The following TBC1D12 variants were observed in gnomAD, a reference collection of about 807,000 sequenced individuals.
TBC1D12 encodes TBC1 domain family member 12, also known as TBC1 domain family, member 12.
Under a neutral mutation model 86.7 loss-of-function variants are expected in TBC1D12, and 56 were observed. The observed-to-expected ratio is 0.65, with a 90% CI of 0.52 to 0.81. TBC1D12 has a LOEUF of 0.81. Among genes scored for constraint, TBC1D12 ranks in the 30% least tolerant of loss-of-function variants. TBC1D12 has a pLI of 0.00. For missense variants in TBC1D12, 1,023 were observed against 1,038.8 expected (o/e 0.98, Z 0.21); for synonymous variants, 421 against 411.7 (o/e 1.02, Z -0.27).
chr10:94,450,476 G>A (rs2055533793), intron 2 of TBC1D12, among the ~76,000 whole-genome samples: 1 of 151,978 alleles, frequency 6.6e-6, no homozygotes, highest in Non-Finnish European at 1.5e-5. Flanking sequence ...TAATAGGACA[G>A]TATATCAAAG....
At chr10:94,489,212 A>G (rs1235663978) in intron 3 of TBC1D12, among the ~76,000 whole-genome samples, 1 of 152,214 alleles carries the variant, frequency 6.6e-6, no homozygotes, top group Non-Finnish European at 1.5e-5. Flanking sequence ...CCCTCTGGCT[A>G]GTGCTGTTCA....
chr10:94,436,855 G>A (rs899077419), intron 1 of TBC1D12, among the ~76,000 whole-genome samples: 8 of 150,020 alleles, frequency 5.3e-5, no homozygotes, highest in South Asian at 2.1e-4. Flanking sequence ...CTACAGGCGC[G>A]CACCACCACG....
intron 3 of TBC1D12, among the ~76,000 whole-genome samples, chr10:94,484,037 GT>G (rs887733714): frequency 6.6e-6 from 1 of 152,004 alleles, no homozygotes; most frequent in Non-Finnish European, 1.5e-5. Context: ...TGAAGAGACT[GT>G]TTTTTCTCAA....
chr10:94,497,376 A>G (rs1183806552), intron 5 of TBC1D12, among the ~76,000 whole-genome samples: 6 of 152,056 alleles, frequency 3.9e-5, no homozygotes, highest in African/African-American at 1.2e-4. Flanking sequence ...TTTCCAGCAT[A>G]TATTTTATGC....
intron 3 of TBC1D12, among the ~76,000 whole-genome samples, chr10:94,482,590 A>G (rs1237252243): frequency 2.0e-5 from 3 of 151,886 alleles, no homozygotes; most frequent in Admixed American, 6.6e-5. Context: ...AGCTGGGATT[A>G]TAGGCATGCA....
intron 1 of TBC1D12, among the ~76,000 whole-genome samples, chr10:94,425,109 G>A (rs2055129179): frequency 2.0e-5 from 3 of 152,154 alleles, no homozygotes; most frequent in Admixed American, 2.0e-4. Flanking sequence ...CACTGCATGG[G>A]GCAAGCAAGA....
chr10:94,514,044 A>C (rs79756860), intron 9 of TBC1D12, among the ~76,000 whole-genome samples: 3 of 124,826 alleles, frequency 2.4e-5, no homozygotes, highest in African/African-American at 8.8e-5. Context: ...AATCTCAAAA[A>C]AAAAACAAAA....
intron 3 of TBC1D12, among the ~76,000 whole-genome samples, chr10:94,484,898 A>T (rs1477961713): frequency 2.0e-5 from 3 of 151,890 alleles, no homozygotes; most frequent in African/African-American, 7.3e-5. Context: ...TATTTTTTAG[A>T]TTGTTCAGTG....
At chr10:94,419,402 C>T (rs921095966) in intron 1 of TBC1D12, among the ~76,000 whole-genome samples, 3 of 152,154 alleles carry the variant, frequency 2.0e-5, no homozygotes, top group Non-Finnish European at 4.4e-5. Context: ...AGGCCGGGTG[C>T]GGTGGCTTAC....
intron 1 of TBC1D12, among the ~76,000 whole-genome samples, chr10:94,408,935 A>G (rs2054891855): frequency 1.3e-5 from 2 of 152,238 alleles, no homozygotes; most frequent in South Asian, 4.1e-4. Context: ...TTCAGGATCA[A>G]CTGTGCTACT....
chr10:94,426,029 C>A (rs1030616696), intron 1 of TBC1D12, among the ~76,000 whole-genome samples: 1 of 152,064 alleles, frequency 6.6e-6, no homozygotes, highest in Admixed American at 6.6e-5. Flanking sequence ...ATCTTGTAAT[C>A]CTGCTTAACT....
intron 5 of TBC1D12, among the ~76,000 whole-genome samples, chr10:94,498,865 G>T (rs56778943): frequency 0.022 from 3,319 of 151,964 alleles, 122 homozygotes; most frequent in African/African-American, 0.074. Flanking sequence ...ACCTCCCTGG[G>T]CTCAGGTGAT....
In TBC1D12 at chr10:94,485,677, A is replaced by G. The variant is rs538675810; in HGVS notation, c.1212-7688A>G. Among the ~76,000 whole-genome samples, 11 of 151,562 alleles carry G rather than the reference A, an allele frequency of 7.3e-5. No individual in the cohort carries two copies. In the South Asian group the frequency reaches 2.3e-3, roughly 32 times the overall value. On this transcript the variant is annotated intron_variant, in intron 3 of 12. Coordinates refer to ENST00000225235, the MANE Select transcript of TBC1D12 (RefSeq NM_015188.2). Reference sequence around the variant, plus strand: ...TTTGAGTAGGATTGTTGTCAGTTCAATTCTTCTTTAAATGTTTGGTAGAAT... The same window carrying G: ...TTTGAGTAGGATTGTTGTCAGTTCAGTTCTTCTTTAAATGTTTGGTAGAAT...
chr10:94,452,673 T>C (rs952810431), intron 2 of TBC1D12, among the ~76,000 whole-genome samples: 1 of 152,208 alleles, frequency 6.6e-6, no homozygotes, highest in African/African-American at 2.4e-5. Context: ...ACAGTTTATT[T>C]ACCCATTCAC....
At chr10:94,505,153 G>C (rs1460068382) in intron 6 of TBC1D12, among the ~76,000 whole-genome samples, 2 of 152,054 alleles carry the variant, frequency 1.3e-5, no homozygotes, top group Non-Finnish European at 2.9e-5. Context: ...GAAGCTGACT[G>C]TCTTAGAACC....
intron 5 of TBC1D12, among the ~76,000 whole-genome samples, chr10:94,498,846 G>A (rs918403724): frequency 1.1e-4 from 16 of 151,682 alleles, no homozygotes; most frequent in African/African-American, 2.9e-4. Flanking sequence ...AAGGCTCACC[G>A]CAACCCCGAC....
At chr10:94,419,967 C>G (rs186371829) in intron 1 of TBC1D12, among the ~76,000 whole-genome samples, 132 of 152,232 alleles carry the variant, frequency 8.7e-4, no homozygotes, top group African/African-American at 2.9e-3. Context: ...GAACTGATAA[C>G]TAGAAGTTCA....
intron 1 of TBC1D12, among the ~76,000 whole-genome samples, chr10:94,433,470 C>T (rs1485523766): frequency 5.3e-5 from 8 of 152,038 alleles, no homozygotes; most frequent in Non-Finnish European, 1.2e-4. Flanking sequence ...GTATATTTAG[C>T]ATTTTAGGTG....
intron 11 of TBC1D12, among the ~76,000 whole-genome samples, chr10:94,528,390 T>C (rs1276748170): frequency 6.6e-6 from 1 of 152,226 alleles, no homozygotes; most frequent in Non-Finnish European, 1.5e-5. Flanking sequence ...TAGGCACTAA[T>C]GTCTTTTATC....
Sources: allele counts gnomAD v4.1 joint callset (sites outside exome capture counted in the v4.1 genomes callset), GRCh38; gene constraint gnomAD v4.1.1; transcripts MANE v1.5; gene names NCBI Gene and HGNC (gene_info 2026-07-23, HGNC 2026-07-21).